Variants in ZSCAN5A observed in about 807,000 individuals in gnomAD.
ZSCAN5A encodes zinc finger and SCAN domain containing 5A, also known as zinc finger and SCAN domain-containing protein 5A.
In ZSCAN5A, 12 loss-of-function variants were observed where a neutral mutation model predicts 23.7. The observed-to-expected ratio is 0.51, with a 90% CI of 0.32 to 0.82. The LOEUF (loss-of-function observed/expected upper bound fraction) is 0.82. ZSCAN5A is among the 40% of genes least tolerant of loss of function. The pLI, the probability that ZSCAN5A is intolerant of heterozygous loss-of-function variation, is 0.03. For synonymous variants in ZSCAN5A, 257 were observed against 239.9 expected, an observed-to-expected ratio of 1.07 and a Z score of -0.66; for missense variants, 597 against 617.9, an observed-to-expected ratio of 0.97 and a Z score of 0.36.
At position 56,313,033 on chromosome 19, in the gene ZSCAN5A, C is replaced by T. The variant is rs2041139589; in HGVS notation, c.-128+250G>A. 1.3e-5 allele frequency among the ~76,000 whole-genome samples: 2 copies of T among 152,224 alleles called. 1 individual carries two copies. Among genetic ancestry groups the T allele is most frequent in the South Asian group, 4.1e-4 (2 of 4,834 alleles). On this transcript the variant is annotated intron_variant, in intron 2 of 5. Coordinates refer to ENST00000683990, the MANE Select transcript of ZSCAN5A (RefSeq NM_001322064.3). ...AGAGGTCTGGGCTCCCATCTCCAGA[C>T]ATTCTGACTGAGTTGATATGGCTGT...
Position 56,224,989 on chromosome 19 carries a change from A to T in ZSCAN5A, c.58T>A (p.Leu20Met). ...SLGESCNRPG[L>M]ELPRSMASSE... ...GATGCCATAGACCGTGGCAGCTCCA[A>T]CCCAGGTCTGTTGCAGGATTCTCCT... Residue 20 changes from leucine to methionine, a missense_variant, in exon 3 of 6, where the codon TTG (leucine) becomes ATG (methionine). Leu to Met is a conservative substitution (Grantham distance 15, BLOSUM62 2). Coordinates refer to ENST00000683990, the MANE Select transcript of ZSCAN5A (RefSeq NM_001322064.3). 1.2e-6 allele frequency: 2 copies of T among 1,613,998 alleles called. No individual in the cohort carries two copies. Among genetic ancestry groups the T allele is most frequent in the Non-Finnish European group, 1.7e-6 (2 of 1,179,950 alleles).
chr19:56,343,256 G>T, intron 2 of ZSCAN5A: 1 of 833,404 alleles, frequency 1.2e-6, no homozygotes, highest in Non-Finnish European at 1.9e-6. Flanking sequence ...ACCCCCTTCA[G>T]TATTCCTCTG....
Position 56,225,023 on chromosome 19 carries a change from T to G in ZSCAN5A, c.24A>C (p.Ser8=). 1 of 1,604,780 alleles carries G rather than the reference T, an allele frequency of 6.2e-7. No individual in the cohort carries two copies. Among genetic ancestry groups the G allele is most frequent in the Non-Finnish European group, 8.5e-7 (1 of 1,173,986 alleles). Residue 8 remains serine (S), a synonymous_variant, in exon 3 of 6, where the codon TCA becomes TCC. Transcript: ENST00000683990. ...TGTTGCAGGATTCTCCTAGACTCCA[T>G]GAGGATGTGCAATTTGCAGCCATAT... MAANCTS[S]WSLGESCNRP...
At chr19:56,230,615 A>ATATATGTG (rs778155664) in intron 2 of ZSCAN5A, among the ~76,000 whole-genome samples, 7 of 147,688 alleles carry the variant, frequency 4.7e-5, no homozygotes, top group East Asian at 2.1e-4. Context: ...TTATTTCTTG[A>ATATATGTG]TGTGTGTGTG....
At chr19:56,308,226 G>C (rs1373859650) in intron 2 of ZSCAN5A, among the ~76,000 whole-genome samples, 1 of 152,010 alleles carries the variant, frequency 6.6e-6, no homozygotes. Context: ...TAGAGACGGG[G>C]TTTCACCATG....
chr19:56,322,981 G>A (rs1259960876), intron 2 of ZSCAN5A, among the ~76,000 whole-genome samples: 2 of 144,914 alleles, frequency 1.4e-5, no homozygotes, highest in Non-Finnish European at 3.0e-5. Context: ...TGCAAGCTTC[G>A]CCTCCCGGGT....
chr19:56,227,177 C>T (rs551974899), intron 2 of ZSCAN5A, among the ~76,000 whole-genome samples: 89 of 152,190 alleles, frequency 5.8e-4, no homozygotes, highest in African/African-American at 2.1e-3. Flanking sequence ...CAAGTATTCT[C>T]AAAACCAAAA....
At chr19:56,238,778 GA>G in intron 2 of ZSCAN5A, among the ~76,000 whole-genome samples, 1 of 149,060 alleles carries the variant, frequency 6.7e-6, no homozygotes, top group East Asian at 2.0e-4. Context: ...TTCACATTGT[GA>G]AAATGACCAC....
chr19:56,281,040 A>G (rs1047963434), intron 2 of ZSCAN5A, among the ~76,000 whole-genome samples: 2 of 152,228 alleles, frequency 1.3e-5, no homozygotes, highest in African/African-American at 4.8e-5. Context: ...AAGACTTACT[A>G]ATAACATAAA....
intron 1 of ZSCAN5A, among the ~76,000 whole-genome samples, chr19:56,363,562 T>C (rs1348971701): frequency 6.6e-6 from 1 of 152,208 alleles, no homozygotes; most frequent in Non-Finnish European, 1.5e-5. Flanking sequence ...TAAGTGGTTG[T>C]GACCAAAATG....
chr19:56,341,702 C>CAAAAAAAAA (rs1175628460), intron 2 of ZSCAN5A, among the ~76,000 whole-genome samples: 65 of 53,746 alleles, frequency 1.2e-3, no homozygotes, highest in East Asian at 2.1e-3. Flanking sequence ...TACCAAAAGG[C>CAAAAAAAAA]AAAAAAAAAA....
intron 2 of ZSCAN5A, chr19:56,228,146 A>G (rs2034129955): frequency 1.1e-6 from 1 of 910,908 alleles, no homozygotes; most frequent in Admixed American, 6.2e-5. Flanking sequence ...CGCTGCCTTC[A>G]CAAAGTCTCC....
intron 2 of ZSCAN5A, among the ~76,000 whole-genome samples, chr19:56,327,991 A>G (rs2041452117): frequency 1.3e-5 from 2 of 152,296 alleles, no homozygotes; most frequent in East Asian, 1.9e-4. Flanking sequence ...TACATTATAA[A>G]CCTTACATAC....
chr19:56,247,014 A>G (rs1358807068), intron 2 of ZSCAN5A: 3 of 1,085,248 alleles, frequency 2.8e-6, no homozygotes, highest in South Asian at 1.3e-5. Context: ...CTGCAGGTGC[A>G]GTCAGTCACC....
At chr19:56,281,269 G>T (rs2038677770) in intron 2 of ZSCAN5A, among the ~76,000 whole-genome samples, 1 of 152,064 alleles carries the variant, frequency 6.6e-6, no homozygotes, top group Non-Finnish European at 1.5e-5. Context: ...CTGTCTCAGG[G>T]GTGGCAGAGG....
At chr19:56,334,515 G>T (rs1445992726) in intron 2 of ZSCAN5A, among the ~76,000 whole-genome samples, 1 of 152,010 alleles carries the variant, frequency 6.6e-6, no homozygotes, top group Non-Finnish European at 1.5e-5. Flanking sequence ...TGGGTTACAT[G>T]AAATATTTTG....
rs901235691 is a variant in ZSCAN5A, at chr19:56,351,409, C to T, written c.-358+11826G>A. Among the ~76,000 whole-genome samples, 8 of 152,032 alleles carry T rather than the reference C, an allele frequency of 5.3e-5. No individual in the cohort carries two copies. The highest frequency in any genetic ancestry group is 2.1e-4 in the South Asian group (1 of 4,822). On this transcript the variant is annotated intron_variant, in intron 2 of 6. Transcript: ENST00000587340. The surrounding 1 kb of genome is among the most constrained non-coding windows in gnomAD (Gnocchi z 4.8). ...ACATTTGCATATTAAAAGGCTATGG[C>T]GGGAGGGCCTGGTTTCTCCCAGGCT...
chr19:56,244,722 G>A (rs2035725288), intron 2 of ZSCAN5A, among the ~76,000 whole-genome samples: 1 of 150,206 alleles, frequency 6.7e-6, no homozygotes, highest in South Asian at 2.1e-4. Flanking sequence ...TGTAGGAGAT[G>A]GACAGGCAGA....
At chr19:56,307,654 CA>C (rs2040785045) in intron 2 of ZSCAN5A, among the ~76,000 whole-genome samples, 1 of 152,110 alleles carries the variant, frequency 6.6e-6, no homozygotes, top group Admixed American at 6.6e-5. Context: ...TAAGTCACTG[CA>C]AATGCCTAAT....
Sources: gnomAD v4.1 joint callset for allele counts (sites outside exome capture counted in the v4.1 genomes callset) on GRCh38, gnomAD v4.1.1 for gene constraint, Gnocchi (gnomAD v3.1) non-coding constraint, MANE v1.5 for transcripts, NCBI Gene and HGNC (gene_info 2026-07-23, HGNC 2026-07-21) for gene names.